Variants in RBFOX3 observed in about 807,000 individuals in gnomAD.
RBFOX3 encodes RNA binding protein fox-1 homolog 3.
RBFOX3 carries 17 observed loss-of-function variants against 48.7 expected under a neutral mutation model. That is an observed-to-expected ratio of 0.35 (90% CI 0.24 to 0.52). The LOEUF is 0.52. Among genes scored for constraint, RBFOX3 ranks in the 20% least tolerant of loss-of-function variants. The pLI is 0.94. For synonymous variants in RBFOX3, 212 were observed against 209.5 expected (o/e 1.01, Z -0.10); for missense variants, 382 against 497.5 (o/e 0.77, Z 2.21).
intron 2 of RBFOX3, among the ~76,000 whole-genome samples, chr17:79,317,284 A>G (rs756926823): frequency 1.3e-5 from 2 of 152,192 alleles, no homozygotes; most frequent in Non-Finnish European, 2.9e-5. Context: ...AATACATCAA[A>G]TTTTAGATGT....
chr17:79,103,115 G>C lies in RBFOX3; in HGVS notation c.507+47C>G, dbSNP rs751900853. ...GTTGGTTGGGGGAGCTGGGGGGCAG[G>C]TGGGCGATCTTGGGGCATCCCTGCC... On this transcript the variant is annotated intron_variant, in intron 8 of 14. Coordinates refer to ENST00000693108, the MANE Select transcript of RBFOX3 (RefSeq NM_001350451.2). The surrounding 1 kb of genome is among the most constrained non-coding windows in gnomAD (Gnocchi z 6.1). 10 of 1,407,930 alleles carry C rather than the reference G, an allele frequency of 7.1e-6. No homozygotes were observed. The highest frequency in any genetic ancestry group is 2.9e-6 in the Non-Finnish European group (3 of 1,017,548). The allele number at this position is 1,407,930 out of a possible 1,614,324, so 87.2% of individuals were successfully genotyped here. A position where few individuals can be genotyped will look rare whatever the true frequency, so the allele number is the denominator to read the frequency against.
At chr17:79,485,207 G>A (rs947990297) in intron 1 of RBFOX3, among the ~76,000 whole-genome samples, 12 of 152,132 alleles carry the variant, frequency 7.9e-5, no homozygotes, top group African/African-American at 2.7e-4. Context: ...CCTTTGAGGC[G>A]GATGGAGCCC....
chr17:79,428,121 C>A (rs1277945206), intron 2 of RBFOX3, among the ~76,000 whole-genome samples: 1 of 152,278 alleles, frequency 6.6e-6, no homozygotes, highest in Non-Finnish European at 1.5e-5. Context: ...ACTCCGCCTG[C>A]AGCAATATCC....
chr17:79,321,722 T>A (rs933990689), intron 2 of RBFOX3, among the ~76,000 whole-genome samples: 2 of 150,702 alleles, frequency 1.3e-5, no homozygotes, highest in African/African-American at 2.4e-5. Context: ...TTTTTTTTTT[T>A]ATAGACGGAG....
At chr17:79,544,975 C>CAAA (rs10584963) in intron 1 of RBFOX3, among the ~76,000 whole-genome samples, 931 of 81,560 alleles carry the variant, frequency 0.011, 11 homozygotes, top group Middle Eastern at 0.036. Context: ...TCATTAAGGG[C>CAAA]AAAAAAAAAA....
At chr17:79,389,385 T>C (rs901016524) in intron 2 of RBFOX3, among the ~76,000 whole-genome samples, 6 of 152,224 alleles carry the variant, frequency 3.9e-5, no homozygotes, top group African/African-American at 1.4e-4. Context: ...CTTTCTGGAC[T>C]TTTGACTTCT....
Position 79,477,891 on chromosome 17 carries a change from C to T in RBFOX3, c.-175+4563G>A, listed in dbSNP as rs1309496513. Among the ~76,000 whole-genome samples, 1 of 152,138 alleles carries T rather than the reference C, an allele frequency of 6.6e-6. No homozygotes were observed. Among genetic ancestry groups the T allele is most frequent in the African/African-American group, 2.4e-5 (1 of 41,428 alleles). On this transcript the variant is annotated intron_variant, in intron 2 of 14. Transcript: ENST00000693108. The surrounding 1 kb of genome is among the most constrained non-coding windows in gnomAD (Gnocchi z 4.8). ...TGGATCCAAGAAGGAAATAAGATGC[C>T]CCTGTAGGAAGGAGAGACCCCAGCA...
the RBFOX3 span, among the ~76,000 whole-genome samples, chr17:79,634,084 T>C: frequency 6.6e-6 from 1 of 152,220 alleles, no homozygotes; most frequent in East Asian, 1.9e-4. Flanking sequence ...TTGCCCGGCA[T>C]TGGGCATCCC....
At chr17:79,236,313 T>C (rs1021222602) in intron 3 of RBFOX3, among the ~76,000 whole-genome samples, 1 of 152,120 alleles carries the variant, frequency 6.6e-6, no homozygotes, top group Non-Finnish European at 1.5e-5. Flanking sequence ...TATTTGTTTT[T>C]GGAGATGGAG....
In RBFOX3 at chr17:79,090,799, C is replaced by T; in HGVS notation, c.*84G>A. The stretch of plus-strand genomic sequence containing the variant: ...TTTTTTGTTGCTTGGATCTTAACAT[C>T]TTTTTTTGTTTTTTTTGTTTTGTGA... On this transcript the variant is annotated 3_prime_UTR_variant, in exon 15 of 15. Transcript: ENST00000693108. The T allele has an allele frequency of 2.1e-6, 3 of 1,424,706 alleles. No homozygotes were observed. The highest frequency in any genetic ancestry group is 2.7e-5 in the South Asian group (2 of 73,328). The allele number at this position is 1,424,706 out of a possible 1,614,324, so 88.3% of individuals were successfully genotyped here.
intron 1 of RBFOX3, among the ~76,000 whole-genome samples, chr17:79,509,036 G>A (rs1413012862): frequency 7.9e-5 from 12 of 152,148 alleles, no homozygotes; most frequent in Non-Finnish European, 1.2e-4. Flanking sequence ...GAAGGCTGAC[G>A]AAGTCAGAGC....
At chr17:79,186,163 A>G (rs2053352010) in intron 4 of RBFOX3, among the ~76,000 whole-genome samples, 1 of 152,156 alleles carries the variant, frequency 6.6e-6, no homozygotes, top group African/African-American at 2.4e-5. Context: ...TCCAGATTGC[A>G]CTGGGCCCAG....
chr17:79,106,157 G>A (rs1334572331), intron 6 of RBFOX3, among the ~76,000 whole-genome samples: 1 of 152,152 alleles, frequency 6.6e-6, no homozygotes, highest in Non-Finnish European at 1.5e-5. Flanking sequence ...GGCCCGGAGA[G>A]GTTGACTGCC....
At chr17:79,315,760 G>T (rs368317117) in intron 2 of RBFOX3, among the ~76,000 whole-genome samples, 2 of 152,260 alleles carry the variant, frequency 1.3e-5, no homozygotes, top group Admixed American at 6.5e-5. Flanking sequence ...CACCCTGGGG[G>T]TCTCTGAGGG....
At chr17:79,165,291 G>C (rs962185559) in intron 4 of RBFOX3, among the ~76,000 whole-genome samples, 3 of 152,324 alleles carry the variant, frequency 2.0e-5, no homozygotes, top group East Asian at 3.9e-4. Context: ...GAAAAAACCC[G>C]AGTTTCTCAT....
chr17:79,351,947 C>T (rs987277873), intron 2 of RBFOX3, among the ~76,000 whole-genome samples: 1 of 152,078 alleles, frequency 6.6e-6, no homozygotes, highest in African/African-American at 2.4e-5. Flanking sequence ...CCTACAGGTC[C>T]CTGTGGGAAA....
intron 2 of RBFOX3, among the ~76,000 whole-genome samples, chr17:79,358,454 T>C (rs1244575660): frequency 3.3e-5 from 5 of 152,126 alleles, no homozygotes; most frequent in Non-Finnish European, 7.3e-5. Flanking sequence ...CTCTCATTTT[T>C]CTTTTCTTTC....
At chr17:79,486,106 C>T (rs2079552522) in intron 1 of RBFOX3, among the ~76,000 whole-genome samples, 1 of 152,212 alleles carries the variant, frequency 6.6e-6, no homozygotes, top group African/African-American at 2.4e-5. Flanking sequence ...GGAGTGGAAC[C>T]ACGGTGGGAG....
At chr17:79,622,535 A>C in the RBFOX3 span, among the ~76,000 whole-genome samples, 1 of 152,154 alleles carries the variant, frequency 6.6e-6, no homozygotes, top group African/African-American at 2.4e-5. Flanking sequence ...TCTCCCGCAG[A>C]TCTTGAGGCC....
Sources: gnomAD v4.1 joint callset for allele counts (sites outside exome capture counted in the v4.1 genomes callset) on GRCh38, gnomAD v4.1.1 for gene constraint, Gnocchi (gnomAD v3.1) non-coding constraint, MANE v1.5 for transcripts, NCBI Gene and HGNC (gene_info 2026-07-23, HGNC 2026-07-21) for gene names.